The following RBMS1 variants were observed in gnomAD, a reference collection of about 807,000 sequenced individuals.
RBMS1 encodes the protein RNA binding motif single stranded interacting protein 1.
RBMS1 carries 17 observed loss-of-function variants against 62.3 expected under a neutral mutation model. The ratio of observed to expected loss-of-function variants is 0.27; its 90% CI spans 0.19 to 0.41. RBMS1 has a LOEUF of 0.41. RBMS1 is among the 10% of genes least tolerant of loss of function. The pLI is 1.00. For missense variants in RBMS1, 334 were observed against 504.5 expected, an observed-to-expected ratio of 0.66 and a Z score of 3.24; for synonymous variants, 172 against 170.0, an observed-to-expected ratio of 1.01 and a Z score of -0.09.
intron 1 of RBMS1, among the ~76,000 whole-genome samples, chr2:160,398,894 T>G (rs1695292943): frequency 6.6e-6 from 1 of 152,198 alleles, no homozygotes; most frequent in Admixed American, 6.5e-5. Flanking sequence ...ACACAATATC[T>G]TGAATCCATT....
intron 1 of RBMS1, among the ~76,000 whole-genome samples, chr2:160,370,416 C>T (rs956969709): frequency 3.3e-5 from 5 of 152,156 alleles, no homozygotes; most frequent in Non-Finnish European, 5.9e-5. Context: ...GGGTGGATCA[C>T]GGAGTCAGGA....
chr2:160,404,668 A>T (rs957097728), intron 1 of RBMS1, among the ~76,000 whole-genome samples: 9 of 152,232 alleles, frequency 5.9e-5, no homozygotes, highest in Non-Finnish European at 1.3e-4. Context: ...ATGACTGTAT[A>T]TGTAAAATGT....
At chr2:160,341,124 G>A (rs954375238) in intron 2 of RBMS1, among the ~76,000 whole-genome samples, 1 of 152,068 alleles carries the variant, frequency 6.6e-6, no homozygotes, top group African/African-American at 2.4e-5. Context: ...TTTTTTAACA[G>A]AACTGGGATG....
At chr2:160,331,957 T>C (rs974178529) in intron 2 of RBMS1, among the ~76,000 whole-genome samples, 6 of 152,128 alleles carry the variant, frequency 3.9e-5, no homozygotes, top group East Asian at 1.9e-4. Flanking sequence ...ATAGGTGCCA[T>C]GGATTTGTCA....
chr2:160,357,477 A>G (rs2106012828), intron 2 of RBMS1, among the ~76,000 whole-genome samples: 1 of 152,310 alleles, frequency 6.6e-6, no homozygotes, highest in Non-Finnish European at 1.5e-5. Context: ...GATACATTAG[A>G]AAATAGACAT....
chr2:160,462,572 T>A (rs558664679), intron 1 of RBMS1, among the ~76,000 whole-genome samples: 1 of 152,318 alleles, frequency 6.6e-6, no homozygotes, highest in South Asian at 2.1e-4. Flanking sequence ...ATAGAAACTT[T>A]AAGCAAAAGA....
At chr2:160,407,206 C>G (rs933784349) in intron 1 of RBMS1, among the ~76,000 whole-genome samples, 1 of 152,110 alleles carries the variant, frequency 6.6e-6, no homozygotes, top group African/African-American at 2.4e-5. Context: ...CCCGGCCCGG[C>G]GCGCTTCTGC....
At chr2:160,359,451 C>G (rs949169444) in intron 2 of RBMS1, among the ~76,000 whole-genome samples, 2 of 152,192 alleles carry the variant, frequency 1.3e-5, no homozygotes, top group African/African-American at 4.8e-5. Flanking sequence ...TCCCCTAACT[C>G]AAAATTCTCT....
intron 1 of RBMS1, among the ~76,000 whole-genome samples, chr2:160,377,261 T>C (rs904251206): frequency 9.9e-5 from 15 of 152,206 alleles, no homozygotes; most frequent in Admixed American, 3.3e-4. Context: ...TCTTTCCTAG[T>C]ATATTTCGTT....
chr2:160,392,405 G>A (rs1387109180), intron 1 of RBMS1, among the ~76,000 whole-genome samples: 4 of 151,366 alleles, frequency 2.6e-5, no homozygotes, highest in Non-Finnish European at 4.4e-5. Flanking sequence ...CTGAGTAATT[G>A]TGACAGAGAC....
chr2:160,361,871 G>T (rs1387395481), intron 2 of RBMS1, among the ~76,000 whole-genome samples: 4 of 152,192 alleles, frequency 2.6e-5, no homozygotes, highest in Non-Finnish European at 2.9e-5. Flanking sequence ...ACAATCATCT[G>T]AGCTTTCAGC....
chr2:160,473,528 G>C (rs192859268), intron 1 of RBMS1, among the ~76,000 whole-genome samples: 84 of 152,218 alleles, frequency 5.5e-4, no homozygotes, highest in African/African-American at 1.5e-3. Flanking sequence ...GAGAAACATA[G>C]GATAAAAGGT....
intron 4 of RBMS1, among the ~76,000 whole-genome samples, chr2:160,311,742 A>C (rs948463918): frequency 2.6e-5 from 4 of 151,876 alleles, no homozygotes; most frequent in Non-Finnish European, 5.9e-5. Flanking sequence ...TGCTCTTTTA[A>C]AAAGAATACT....
At position 160,318,173 on chromosome 2, in the gene RBMS1, G is replaced by A. The variant is rs1272783919; in HGVS notation, c.306C>T (p.Cys102=). ...TAACCAGCCAAGAAAACATACCTTT[G>A]CATTTGTTCGTTGTCTTATCCAAAA... ...KAILDKTTNK[C]KGYGFVDFDS... The change falls in exon 3 of 14, where the codon TGC becomes TGT. Residue 102 remains cysteine, a synonymous_variant. Coordinates refer to ENST00000348849, the MANE Select transcript of RBMS1 (RefSeq NM_016836.4). 1.9e-6 allele frequency: 3 copies of A among 1,550,900 alleles called. No individual in the cohort carries two copies. The highest frequency in any genetic ancestry group is 3.0e-5 in the African/African-American group (2 of 67,082).
chr2:160,310,019 A>T lies in RBMS1; in HGVS notation c.402+3137T>A, dbSNP rs1033312826. Among the ~76,000 whole-genome samples the T allele has an allele frequency of 4.6e-5, 7 of 152,330 alleles. No individual in the cohort carries two copies. In the East Asian group the frequency reaches 1.2e-3, roughly 25 times the overall value. ...ACAGGCATCACACACACTTAACATC[A>T]TAATCTGTTCCTGAAAATCAGAAAT... On this transcript the variant is annotated intron_variant, in intron 4 of 13. Coordinates refer to ENST00000348849, the MANE Select transcript of RBMS1 (RefSeq NM_016836.4).
chr2:160,439,529 G>A (rs1683302072), intron 1 of RBMS1, among the ~76,000 whole-genome samples: 1 of 151,442 alleles, frequency 6.6e-6, no homozygotes, highest in Non-Finnish European at 1.5e-5. Flanking sequence ...TCACTTCCTA[G>A]ATGGGATGGC....
At chr2:160,401,246 T>C (rs1695411038) in intron 1 of RBMS1, among the ~76,000 whole-genome samples, 1 of 152,252 alleles carries the variant, frequency 6.6e-6, no homozygotes, top group Non-Finnish European at 1.5e-5. Context: ...TACACTGTTA[T>C]GAAATTCCAT....
intron 4 of RBMS1, among the ~76,000 whole-genome samples, chr2:160,311,230 ATC>A (rs1491442639): frequency 0.081 from 7,818 of 96,628 alleles, 343 homozygotes; most frequent in South Asian, 0.14. Flanking sequence ...CTATCTATCT[ATC>A]TATATATATA....
rs147538883 is a variant in RBMS1, at chr2:160,491,000, T to C, written c.75+2289A>G. Among the ~76,000 whole-genome samples the C allele has an allele frequency of 2.1e-3, 323 of 152,282 alleles. 8 individuals are homozygous for C. The East Asian group carries it at 0.052, about 25-fold the overall frequency. ...AGATCCTAAGAGAGTTTATTAACTC[T>C]TTAGGTAGATTAGGCAACACTTGTT... is the stretch of plus-strand genomic sequence containing the variant. On this transcript the variant is annotated intron_variant, in intron 1 of 13. Coordinates refer to ENST00000348849, the MANE Select transcript of RBMS1 (RefSeq NM_016836.4).
Sources: allele counts gnomAD v4.1 joint callset (sites outside exome capture counted in the v4.1 genomes callset), GRCh38; gene constraint gnomAD v4.1.1; transcripts MANE v1.5; gene names NCBI Gene and HGNC (gene_info 2026-07-23, HGNC 2026-07-21).